Variants in EXOC4 observed in about 807,000 individuals in gnomAD.
EXOC4 encodes the protein exocyst complex component 4.
EXOC4 carries 71 observed loss-of-function variants against 107.2 expected under a neutral mutation model. The observed-to-expected ratio is 0.66, with a 90% CI of 0.55 to 0.81. EXOC4 has a LOEUF of 0.81. Ranked by LOEUF, EXOC4 falls within the 30% of genes least tolerant of loss-of-function variation. EXOC4 has a pLI of 0.00. For missense variants in EXOC4, 1,108 were observed against 1,189.6 expected (o/e 0.93, Z 1.01); for synonymous variants, 456 against 441.2 (o/e 1.03, Z -0.42).
At chr7:133,703,676 A>C (rs1794711182) in intron 10 of EXOC4, among the ~76,000 whole-genome samples, 1 of 152,190 alleles carries the variant, frequency 6.6e-6, no homozygotes, top group South Asian at 2.1e-4. Flanking sequence ...ATAACAAATT[A>C]CGCTTATGCA....
At chr7:133,305,505 A>T (rs562923051) in intron 3 of EXOC4, among the ~76,000 whole-genome samples, 26 of 152,318 alleles carry the variant, frequency 1.7e-4, no homozygotes, top group African/African-American at 5.8e-4. Context: ...GCCTTAGTTT[A>T]AAAAAGCTAA....
intron 10 of EXOC4, among the ~76,000 whole-genome samples, chr7:133,738,654 T>C (rs1454630313): frequency 6.6e-6 from 1 of 152,188 alleles, no homozygotes; most frequent in Non-Finnish European, 1.5e-5. Flanking sequence ...GAAAACATCA[T>C]TTTTAGGGAA....
intron 9 of EXOC4, among the ~76,000 whole-genome samples, chr7:133,540,364 T>G (rs985717841): frequency 1.5e-4 from 23 of 152,162 alleles, no homozygotes; most frequent in African/African-American, 5.3e-4. Flanking sequence ...AGAAATTTCT[T>G]AGGAACATAC....
At chr7:133,586,810 T>C (rs1315691412) in intron 9 of EXOC4, among the ~76,000 whole-genome samples, 1 of 152,088 alleles carries the variant, frequency 6.6e-6, no homozygotes, top group African/African-American at 2.4e-5. Context: ...TGTTATGGGC[T>C]CTTTGTATTC....
the EXOC4 span, among the ~76,000 whole-genome samples, chr7:134,095,712 C>T: frequency 6.6e-6 from 1 of 152,190 alleles, no homozygotes; most frequent in East Asian, 1.9e-4. Flanking sequence ...CAAAAATAAG[C>T]AATGGGGAAA....
intron 10 of EXOC4, among the ~76,000 whole-genome samples, chr7:133,698,367 AG>A (rs1794583517): frequency 6.6e-6 from 1 of 152,144 alleles, no homozygotes; most frequent in Non-Finnish European, 1.5e-5. Flanking sequence ...TGGGAGGCTG[AG>A]GCAGGATGAT....
At chr7:133,326,118 C>CT (rs1164763332) in intron 5 of EXOC4, among the ~76,000 whole-genome samples, 2 of 152,144 alleles carry the variant, frequency 1.3e-5, no homozygotes, top group Non-Finnish European at 2.9e-5. Flanking sequence ...TTCGTCTAAT[C>CT]TTTTTTTAAG....
intron 1 of EXOC4, among the ~76,000 whole-genome samples, chr7:133,255,263 G>A (rs1288603044): frequency 2.6e-5 from 4 of 151,648 alleles, no homozygotes; most frequent in South Asian, 2.1e-4. Flanking sequence ...TGCAACCTCC[G>A]CCTCCCAGGT....
At chr7:133,369,373 C>T (rs1299792705) in intron 6 of EXOC4, among the ~76,000 whole-genome samples, 1 of 152,202 alleles carries the variant, frequency 6.6e-6, no homozygotes. Flanking sequence ...TAGTCATTCA[C>T]TGCTTATCCC....
intron 11 of EXOC4, among the ~76,000 whole-genome samples, chr7:133,857,096 TTA>T (rs1304780056): frequency 5.5e-5 from 6 of 110,010 alleles, no homozygotes; most frequent in East Asian, 2.6e-4. Flanking sequence ...GACTCCGTCT[TTA>T]TATATATATA....
intron 9 of EXOC4, among the ~76,000 whole-genome samples, chr7:133,490,721 G>C (rs1799355995): frequency 6.6e-6 from 1 of 152,160 alleles, no homozygotes; most frequent in Non-Finnish European, 1.5e-5. Context: ...CCTAGTAAGA[G>C]ATTAAGAATT....
At chr7:133,323,453 G>C (rs1484818027) in intron 5 of EXOC4, among the ~76,000 whole-genome samples, 3 of 151,976 alleles carry the variant, frequency 2.0e-5, no homozygotes, top group South Asian at 2.1e-4. Flanking sequence ...GGCCTTTCTG[G>C]ATCTATTGAG....
chr7:133,424,356 C>T (rs1041908328), intron 7 of EXOC4, among the ~76,000 whole-genome samples: 2 of 151,700 alleles, frequency 1.3e-5, no homozygotes, highest in African/African-American at 2.4e-5. Flanking sequence ...CAACTCCAGA[C>T]GCGCCGCCTT....
At chr7:133,572,042 C>T (rs1801034268) in intron 9 of EXOC4, among the ~76,000 whole-genome samples, 1 of 152,086 alleles carries the variant, frequency 6.6e-6, no homozygotes, top group African/African-American at 2.4e-5. Context: ...AAGGTAGGCA[C>T]AGGGATTTTC....
In EXOC4 at chr7:133,356,409, C is replaced by G. The variant is rs143291638; in HGVS notation, c.843C>G (p.Ile281Met). Residue 281 changes from isoleucine to methionine, a missense_variant, in exon 6 of 18, where the codon ATC becomes ATG. Physicochemically the swap from Ile to Met is conservative, Grantham distance 10. Coordinates refer to ENST00000253861, the MANE Select transcript of EXOC4 (RefSeq NM_021807.4). ...AAAACAGCACCCTGTTTATGGGTAT[C>G]CTCATTAAGGGCTTGGCGAAACTGA... Reference protein sequence around the residue: ...PEENSTLFMGILIKGLAKLKK... With the variant: ...PEENSTLFMGMLIKGLAKLKK... 3.3e-4 allele frequency: 529 copies of G among 1,613,996 alleles called. 1 individual carries two copies. The highest frequency in any genetic ancestry group is 4.9e-4 in the Middle Eastern group (3 of 6,062).
intron 10 of EXOC4, among the ~76,000 whole-genome samples, chr7:133,719,183 A>G (rs1795056117): frequency 6.6e-6 from 1 of 152,152 alleles, no homozygotes; most frequent in Admixed American, 6.5e-5. Flanking sequence ...TCCCTGCACA[A>G]ACTTTCTCTC....
intron 17 of EXOC4, among the ~76,000 whole-genome samples, chr7:134,021,329 C>T (rs117838261): frequency 2.6e-5 from 4 of 152,244 alleles, no homozygotes; most frequent in Admixed American, 6.5e-5. Flanking sequence ...TAGTCAAGAT[C>T]GTGCTTAAAG....
intron 9 of EXOC4, among the ~76,000 whole-genome samples, chr7:133,591,463 T>C (rs2150978280): frequency 6.6e-6 from 1 of 152,312 alleles, no homozygotes; most frequent in Admixed American, 6.5e-5. Flanking sequence ...AGGCATGCTA[T>C]AGCAAGCTTA....
intron 11 of EXOC4, among the ~76,000 whole-genome samples, chr7:133,856,592 T>C (rs556976809): frequency 7.2e-5 from 11 of 152,350 alleles, no homozygotes; most frequent in African/African-American, 2.4e-4. Flanking sequence ...GTGATTTTTA[T>C]CATCTTCCAT....
Sources: gnomAD v4.1 joint callset for allele counts (sites outside exome capture counted in the v4.1 genomes callset) on GRCh38, gnomAD v4.1.1 for gene constraint, MANE v1.5 for transcripts, NCBI Gene and HGNC (gene_info 2026-07-23, HGNC 2026-07-21) for gene names.